The following RPL3 variants were observed in gnomAD, a reference collection of about 807,000 sequenced individuals.
The protein encoded by RPL3 is ribosomal protein L3, also known as large ribosomal subunit protein uL3.
RPL3 carries 3 observed loss-of-function variants against 46.0 expected under a neutral mutation model. The ratio of observed to expected loss-of-function variants is 0.07; its 90% CI spans 0.03 to 0.17. RPL3 has a LOEUF of 0.17. RPL3 is among the 10% of genes least tolerant of loss of function. The pLI is 1.00. For missense variants in RPL3, 387 were observed against 532.7 expected, an observed-to-expected ratio of 0.73 and a Z score of 2.69; for synonymous variants, 224 against 190.8, an observed-to-expected ratio of 1.17 and a Z score of -1.43.
Position 39,317,718 on chromosome 22 carries a change from C to T in RPL3, c.197-89G>A, listed in dbSNP as rs1922793728. The T allele has an allele frequency of 6.7e-6, 10 of 1,495,826 alleles. No homozygotes were observed. The South Asian group carries it at 1.2e-4, about 18-fold the overall frequency. 92.7% of individuals were successfully genotyped at this position (1,495,826 alleles called of 1,614,324 possible). A position where few individuals can be genotyped will look rare whatever the true frequency, so the allele number is the denominator to read the frequency against. Reference sequence around the variant, plus strand: ...GGAAAATGCAAAGTGCCCATTTAGGCCGGAAGGGCAACTGGGCCCCACACC... The same window carrying T: ...GGAAAATGCAAAGTGCCCATTTAGGTCGGAAGGGCAACTGGGCCCCACACC... On this transcript the variant is annotated intron_variant, in intron 2 of 9. Coordinates refer to ENST00000216146, the MANE Select transcript of RPL3 (RefSeq NM_000967.4).
chr22:39,319,435 C>T lies in RPL3; in HGVS notation c.3+160G>A, dbSNP rs1269109188. The T allele has an allele frequency of 8.8e-6, 9 of 1,019,368 alleles. No homozygotes were observed. In the East Asian group the frequency reaches 2.4e-4, roughly 27 times the overall value. The allele number at this position is 1,019,368 out of a possible 1,614,324, so 63.1% of individuals were successfully genotyped here. On this transcript the variant is annotated intron_variant, in intron 1 of 9. Transcript: ENST00000216146. ...CTCCAAGCGCTCTTCACAAGCCTCT[C>T]GACTTTCCAGAAAATAGGCCAGACT...
chr22:39,317,002 T>TTGCCGGCTTCTAAGGAGCCTTTTCCAC, intron 3 of RPL3, 161 bp from the exon 4 acceptor site: 1 of 1,094,140 alleles, frequency 9.1e-7, no homozygotes, highest in Non-Finnish European at 1.4e-6. Flanking sequence ...ATGGAGCTCA[T>TTGCCGGCTTCTAAGGAGCCTTTTCCAC]CGGGCAGAGC....
chr22:39,318,905 G>A lies in RPL3; in HGVS notation c.4-313C>T, dbSNP rs1267553903. On this transcript the variant is annotated intron_variant, in intron 1 of 9. Coordinates refer to ENST00000216146, the MANE Select transcript of RPL3 (RefSeq NM_000967.4). The stretch of plus-strand genomic sequence containing the variant: ...AACTGCTTAACAGGCAGCTTTATAT[G>A]CCAATTAGCAAGGTTTTGACCGCTA... 6.6e-6 allele frequency: 3 copies of A among 454,488 alleles called. No homozygotes were observed. The Admixed American group carries it at 8.1e-5, about 12-fold the overall frequency. 28.2% of individuals were successfully genotyped at this position (454,488 alleles called of 1,614,324 possible).
At chr22:39,319,019 G>C (rs747886048) in intron 1 of RPL3, 1 of 538,522 alleles carries the variant, frequency 1.9e-6, no homozygotes, top group Non-Finnish European at 3.8e-6. Context: ...TAATTACACT[G>C]ATACACACAG....
chr22:39,313,551 C>G, intron 8 of RPL3, 83 bp downstream of exon 8: 1 of 1,401,248 alleles, frequency 7.1e-7, no homozygotes, highest in Non-Finnish European at 1.0e-6. Flanking sequence ...CCTTTCCTCT[C>G]CCACCACAGG....
intron 1 of RPL3, chr22:39,318,925 C>A: frequency 2.0e-6 from 1 of 488,396 alleles, no homozygotes; most frequent in Non-Finnish European, 4.2e-6. Context: ...AAGGTTTTGA[C>A]CGCTAAAGAA....
rs1569162493 is a variant in RPL3, at chr22:39,318,648, T to C, written c.4-56A>G. ...CAAACCAAAGCAGTGCCCCCTTCTCTAGTTCCCAGCTGCTTAAGTTCCAAA... is the reference window on the plus strand; with the variant it reads ...CAAACCAAAGCAGTGCCCCCTTCTCCAGTTCCCAGCTGCTTAAGTTCCAAA... On this transcript the variant is annotated intron_variant, in intron 1 of 9. Coordinates refer to ENST00000216146, the MANE Select transcript of RPL3 (RefSeq NM_000967.4). The C allele has an allele frequency of 5.6e-6, 8 of 1,425,014 alleles. No homozygotes were observed. In the Admixed American group the frequency reaches 6.8e-5, roughly 12 times the overall value. The allele number at this position is 1,425,014 out of a possible 1,614,324, so 88.3% of individuals were successfully genotyped here.
At chr22:39,317,956 T>A (rs1230728356) in intron 2 of RPL3, 2 of 373,794 alleles carry the variant, frequency 5.4e-6, no homozygotes, top group Non-Finnish European at 9.9e-6. Context: ...GATTAGTCAG[T>A]ATCAACTGCC....
chr22:39,315,592 A>T (rs760425332), intron 4 of RPL3, 37 bp from the exon 5 acceptor site: 3 of 1,610,602 alleles, frequency 1.9e-6, no homozygotes, highest in South Asian at 2.2e-5. Context: ...TCCAGCTGCC[A>T]GCGCTCCTCC....
chr22:39,314,034 C>T (rs147384013), intron 7 of RPL3, 73 bp downstream of exon 7: 4 of 1,257,796 alleles, frequency 3.2e-6, no homozygotes, highest in Admixed American at 3.4e-5. Flanking sequence ...TGCTAGCAGC[C>T]CCTAGGAAGC....
At chr22:39,319,026 A>C (rs1435156258) in intron 1 of RPL3, 2 of 537,960 alleles carry the variant, frequency 3.7e-6, no homozygotes, top group African/African-American at 1.9e-5. Flanking sequence ...ACTGATACAC[A>C]CAGGCCAAAG....
intron 7 of RPL3, 103 bp from the exon 8 acceptor site, chr22:39,313,832 G>A (rs772250871): frequency 8.2e-6 from 9 of 1,100,364 alleles, no homozygotes; most frequent in Non-Finnish European, 9.8e-6. Context: ...GTTCTCAGAA[G>A]GAAGGCAACA....
chr22:39,314,595 G>A, intron 6 of RPL3, 91 bp downstream of exon 6: 1 of 1,412,998 alleles, frequency 7.1e-7, no homozygotes, highest in Non-Finnish European at 9.6e-7. Context: ...ATAAGCTACA[G>A]TCAGTGAAGC....
chr22:39,316,870 G>C, intron 3 of RPL3, 29 bp from the exon 4 acceptor site: 1 of 1,613,326 alleles, frequency 6.2e-7, no homozygotes, highest in Non-Finnish European at 8.5e-7. Flanking sequence ...GTTGGGGAGG[G>C]GACCAGGTGC....
intron 4 of RPL3, 121 bp from the exon 5 acceptor site, chr22:39,315,676 C>T: frequency 1.7e-6 from 2 of 1,168,568 alleles, no homozygotes; most frequent in Non-Finnish European, 2.4e-6. Flanking sequence ...TAACTCTGAA[C>T]AAGTCACTGA....
chr22:39,318,538 T>C lies in RPL3; in HGVS notation c.58A>G (p.Lys20Glu). The part of the protein sequence containing the change: ...RHGSLGFLPR[K>E]RSSRHRGKVK... ...TTCCCACGATGCCTGCTGCTGCGCT[T>C]CCGAGGCAGGAAGCCGAGGGACCCA... The change falls in exon 2 of 10, where the codon AAG becomes GAG. Residue 20 changes from lysine to glutamate, a missense_variant. Physicochemically the swap from Lys to Glu is moderately conservative, Grantham distance 56 (BLOSUM62 1). Coordinates refer to ENST00000216146, the MANE Select transcript of RPL3 (RefSeq NM_000967.4). 3 of 1,613,568 alleles carry C rather than the reference T, an allele frequency of 1.9e-6. No individual in the cohort carries two copies. Among genetic ancestry groups the C allele is most frequent in the Non-Finnish European group, 2.5e-6 (3 of 1,179,770 alleles).
intron 6 of RPL3, 176 bp from the exon 7 acceptor site, chr22:39,314,384 G>A (rs1012212244): frequency 4.0e-5 from 26 of 652,080 alleles, no homozygotes; most frequent in South Asian, 5.7e-5. Context: ...TCTGTAAGGC[G>A]GCTGGGCTAA....
At chr22:39,315,787 C>T (rs1922650423) in intron 4 of RPL3, among the ~76,000 whole-genome samples, 1 of 152,218 alleles carries the variant, frequency 6.6e-6, no homozygotes, top group Admixed American at 6.5e-5. Flanking sequence ...ACAAGACCCA[C>T]ACCACAGGCA....
intron 2 of RPL3, chr22:39,318,065 A>T (rs1349262352): frequency 5.5e-6 from 2 of 364,194 alleles, no homozygotes; most frequent in Non-Finnish European, 1.0e-5. Flanking sequence ...TTCAGGTGAA[A>T]AAAACATGAA....
Sources: allele counts gnomAD v4.1 joint callset (sites outside exome capture counted in the v4.1 genomes callset), GRCh38; gene constraint gnomAD v4.1.1; transcripts MANE v1.5; gene names NCBI Gene and HGNC (gene_info 2026-07-23, HGNC 2026-07-21).